The following SMYD3 variants were observed in gnomAD, a reference collection of about 807,000 sequenced individuals.
SMYD3 encodes SET and MYND domain containing 3, also known as histone-lysine N-methyltransferase SMYD3.
SMYD3 carries 36 observed loss-of-function variants against 57.7 expected under a neutral mutation model. The observed-to-expected ratio is 0.62, with a 90% CI of 0.48 to 0.82. The LOEUF is 0.82. SMYD3 is among the 40% of genes least tolerant of loss of function. SMYD3 has a pLI of 0.00. For missense variants in SMYD3, 515 were observed against 538.8 expected (o/e 0.96, Z 0.44); for synonymous variants, 211 against 195.0 (o/e 1.08, Z -0.68).
Position 246,447,625 on chromosome 1 carries a change from G to A in SMYD3, c.164+59429C>T, listed in dbSNP as rs372917613. On this transcript the variant is annotated intron_variant, in intron 1 of 11. Coordinates refer to ENST00000490107, the MANE Select transcript of SMYD3 (RefSeq NM_001167740.2). ...CCAATATTTCTTTTTCAGTCTTATA[G>A]TCTACAGAAGTATCCACATAAGGAG... 2.0e-5 allele frequency among the ~76,000 whole-genome samples: 3 copies of A among 152,266 alleles called. No individual in the cohort carries two copies. In the East Asian group the frequency reaches 5.8e-4, roughly 29 times the overall value.
intron 1 of SMYD3, among the ~76,000 whole-genome samples, chr1:246,472,831 T>C (rs2067978862): frequency 6.7e-6 from 1 of 148,878 alleles, no homozygotes; most frequent in African/African-American, 2.5e-5. Flanking sequence ...TCAGGGAGTC[T>C]CCCGCAGTTA....
At chr1:246,120,978 A>G (rs2061415860) in intron 5 of SMYD3, among the ~76,000 whole-genome samples, 1 of 152,160 alleles carries the variant, frequency 6.6e-6, no homozygotes, top group South Asian at 2.1e-4. Flanking sequence ...GCTTTCTTTA[A>G]TCTCATGTTC....
At chr1:246,378,297 T>C (rs1368314962) in intron 1 of SMYD3, among the ~76,000 whole-genome samples, 1 of 152,098 alleles carries the variant, frequency 6.6e-6, no homozygotes, top group African/African-American at 2.4e-5. Context: ...CTTGATTGGA[T>C]TGAAGGATTG....
At chr1:246,393,442 C>T (rs977998815) in intron 1 of SMYD3, among the ~76,000 whole-genome samples, 22 of 152,078 alleles carry the variant, frequency 1.4e-4, no homozygotes, top group African/African-American at 5.3e-4. Context: ...ATCTATTTCT[C>T]TCAACCAAAG....
At chr1:246,361,129 G>A (rs2065979622) in intron 1 of SMYD3, among the ~76,000 whole-genome samples, 1 of 152,100 alleles carries the variant, frequency 6.6e-6, no homozygotes, top group Non-Finnish European at 1.5e-5. Flanking sequence ...TCAAAAAGTG[G>A]GCTAAAGACA....
At chr1:246,002,329 C>A (rs369983387) in intron 5 of SMYD3, among the ~76,000 whole-genome samples, 1 of 60,102 alleles carries the variant, frequency 1.7e-5, no homozygotes, top group Non-Finnish European at 4.9e-5. Flanking sequence ...GGACTGCAGG[C>A]TCCCGCCACC....
chr1:246,211,353 T>C (rs2063083892), intron 5 of SMYD3, among the ~76,000 whole-genome samples: 1 of 152,180 alleles, frequency 6.6e-6, no homozygotes, highest in African/African-American at 2.4e-5. Context: ...CACAAGGTAC[T>C]GCCATAAAAC....
At chr1:246,299,296 A>G (rs1451687899) in intron 5 of SMYD3, among the ~76,000 whole-genome samples, 2 of 152,194 alleles carry the variant, frequency 1.3e-5, no homozygotes, top group African/African-American at 2.4e-5. Context: ...ACAAAGAGAT[A>G]CCATCTCATA....
At chr1:246,316,645 T>A (rs2065164793) in intron 5 of SMYD3, among the ~76,000 whole-genome samples, 1 of 142,422 alleles carries the variant, frequency 7.0e-6, no homozygotes, top group Non-Finnish European at 1.5e-5. Flanking sequence ...CCTCCCAAAG[T>A]GCTGGGATTA....
intron 1 of SMYD3, among the ~76,000 whole-genome samples, chr1:246,435,010 C>T (rs568685600): frequency 1.3e-4 from 20 of 152,246 alleles, no homozygotes; most frequent in African/African-American, 4.8e-4. Flanking sequence ...ATGTCCTTTG[C>T]GGCAACATGG....
intron 8 of SMYD3, among the ~76,000 whole-genome samples, chr1:245,868,104 T>C (rs972529372): frequency 6.6e-6 from 1 of 152,256 alleles, no homozygotes; most frequent in Non-Finnish European, 1.5e-5. Context: ...GTGAACTAAC[T>C]TGGTAATGAT....
At chr1:245,881,127 G>T (rs551646952) in intron 8 of SMYD3, among the ~76,000 whole-genome samples, 1 of 152,288 alleles carries the variant, frequency 6.6e-6, no homozygotes, top group Admixed American at 6.5e-5. Context: ...GGATATTCAT[G>T]CTTTTGACCA....
intron 8 of SMYD3, among the ~76,000 whole-genome samples, chr1:245,907,542 T>C (rs1228476003): frequency 6.6e-6 from 1 of 152,084 alleles, no homozygotes; most frequent in African/African-American, 2.4e-5. Context: ...GAGAACTCAC[T>C]GATAGAACAG....
chr1:246,247,487 T>A (rs28536011), intron 5 of SMYD3, among the ~76,000 whole-genome samples: 29,355 of 140,694 alleles, frequency 0.21, 3,658 homozygotes, highest in East Asian at 0.5. Flanking sequence ...ATATATATAT[T>A]TTTTAACATG....
In SMYD3 at chr1:245,880,988, C is replaced by T. The variant is rs148123992; in HGVS notation, c.814-17102G>A. 1.6e-3 allele frequency among the ~76,000 whole-genome samples: 218 copies of T among 138,144 alleles called. 1 individual carries two copies. In the East Asian group the frequency reaches 0.024, roughly 15 times the overall value. 90.6% of individuals were successfully genotyped at this position (138,144 alleles called of 152,430 possible). ...ATACCCACCCAGGGCACACACTGTC[C>T]AGGAGATACTTGCCCTGGGTAGGCG... On this transcript the variant is annotated intron_variant, in intron 8 of 11. Transcript: ENST00000490107.
intron 10 of SMYD3, among the ~76,000 whole-genome samples, chr1:245,839,416 A>C (rs546025722): frequency 2.0e-5 from 3 of 150,916 alleles, no homozygotes; most frequent in East Asian, 2.0e-4. Context: ...TGATCCGCCC[A>C]CCTCGGCCTC....
chr1:246,081,451 G>A (rs913147591), intron 5 of SMYD3, among the ~76,000 whole-genome samples: 20 of 151,988 alleles, frequency 1.3e-4, no homozygotes, highest in African/African-American at 4.6e-4. Flanking sequence ...GGAGTGCAGT[G>A]GTGTGATCTT....
At chr1:245,967,389 T>C (rs1558542121) in intron 5 of SMYD3, among the ~76,000 whole-genome samples, 1 of 152,216 alleles carries the variant, frequency 6.6e-6, no homozygotes, top group Non-Finnish European at 1.5e-5. Flanking sequence ...AATTTTCACA[T>C]GTAGACCTTC....
chr1:246,326,991 C>A, intron 5 of SMYD3: 1 of 575,568 alleles, frequency 1.7e-6, no homozygotes, highest in Non-Finnish European at 3.0e-6. Flanking sequence ...CAGGCAATAA[C>A]AAGAATATTA....
Sources: gnomAD v4.1 joint callset for allele counts (sites outside exome capture counted in the v4.1 genomes callset) on GRCh38, gnomAD v4.1.1 for gene constraint, MANE v1.5 for transcripts, NCBI Gene and HGNC (gene_info 2026-07-23, HGNC 2026-07-21) for gene names.